The following JMJD1C variants were observed in gnomAD, a reference collection of about 807,000 sequenced individuals.
JMJD1C encodes jumonji domain-containing protein 1C.
In JMJD1C, 31 loss-of-function variants were observed where a neutral mutation model predicts 245.3. The ratio of observed to expected loss-of-function variants is 0.13; its 90% CI spans 0.09 to 0.17. The LOEUF is 0.17. Ranked by LOEUF, JMJD1C falls within the 10% of genes least tolerant of loss-of-function variation. JMJD1C has a pLI of 1.00. For synonymous variants in JMJD1C, 1,057 were observed against 1,017.4 expected, an observed-to-expected ratio of 1.04 and a Z score of -0.74; for missense variants, 2,691 against 3,000.2, an observed-to-expected ratio of 0.90 and a Z score of 2.41.
chr10:63,356,587 C>T (rs1944864073), intron 2 of JMJD1C, among the ~76,000 whole-genome samples: 1 of 152,170 alleles, frequency 6.6e-6, no homozygotes, highest in African/African-American at 2.4e-5. Flanking sequence ...CATCCATCTG[C>T]CTTTCAACTT....
intron 2 of JMJD1C, among the ~76,000 whole-genome samples, chr10:63,298,940 A>G (rs1445833858): frequency 6.6e-6 from 1 of 152,106 alleles, no homozygotes; most frequent in Non-Finnish European, 1.5e-5. Flanking sequence ...CATGTTGGTC[A>G]GGCTGGTCTT....
chr10:63,305,022 C>G (rs954623583), intron 2 of JMJD1C, among the ~76,000 whole-genome samples: 3 of 152,072 alleles, frequency 2.0e-5, no homozygotes, highest in Non-Finnish European at 4.4e-5. Flanking sequence ...GCCTGTAGAC[C>G]CAGTGACTCG....
chr10:63,419,313 G>A (rs983711123), intron 1 of JMJD1C, among the ~76,000 whole-genome samples: 1 of 152,048 alleles, frequency 6.6e-6, no homozygotes, highest in African/African-American at 2.4e-5. Flanking sequence ...CTTGAACCCA[G>A]GAGGCGGAGG....
chr10:63,180,838 G>C (rs930793018), intron 22 of JMJD1C, among the ~76,000 whole-genome samples: 2 of 150,460 alleles, frequency 1.3e-5, no homozygotes, highest in African/African-American at 4.9e-5. Flanking sequence ...GCGGGATCTC[G>C]GCTCACTGCA....
intron 1 of JMJD1C, among the ~76,000 whole-genome samples, chr10:63,410,650 T>C (rs533450257): frequency 2.2e-4 from 34 of 152,270 alleles, no homozygotes; most frequent in Admixed American, 1.2e-3. Flanking sequence ...CATCTTCTTT[T>C]TAAAGACAAA....
chr10:63,250,016 C>T (rs2133613459), intron 3 of JMJD1C, among the ~76,000 whole-genome samples: 1 of 151,070 alleles, frequency 6.6e-6, no homozygotes, highest in East Asian at 1.9e-4. Context: ...GATAATTTTT[C>T]TTTTTTTTTA....
At chr10:63,327,664 CA>C (rs1286387745) in intron 2 of JMJD1C, among the ~76,000 whole-genome samples, 1 of 132,302 alleles carries the variant, frequency 7.6e-6, no homozygotes, top group Non-Finnish European at 1.7e-5. Flanking sequence ...CAAGGGTACA[CA>C]GAAAAAATTT....
At chr10:63,403,597 C>A (rs979775468) in intron 1 of JMJD1C, among the ~76,000 whole-genome samples, 1 of 152,164 alleles carries the variant, frequency 6.6e-6, no homozygotes, top group Non-Finnish European at 1.5e-5. Context: ...ACCTTAAGTG[C>A]GAACGCTGTT....
At chr10:63,301,772 C>G (rs1227186939) in intron 2 of JMJD1C, 1 of 439,490 alleles carries the variant, frequency 2.3e-6, no homozygotes, top group Admixed American at 2.6e-5. Flanking sequence ...ACCTATGTAA[C>G]AAACCGGCAC....
chr10:63,436,827 G>T (rs1437134505), intron 1 of JMJD1C, among the ~76,000 whole-genome samples: 1 of 151,986 alleles, frequency 6.6e-6, no homozygotes, highest in African/African-American at 2.4e-5. Flanking sequence ...TCCTATCTTA[G>T]ACCCTTATCA....
chr10:63,393,503 T>C (rs189465456), intron 1 of JMJD1C, among the ~76,000 whole-genome samples: 2 of 152,182 alleles, frequency 1.3e-5, no homozygotes, highest in African/African-American at 2.4e-5. Context: ...ACTAAAAATA[T>C]AACTACCATA....
chr10:63,405,139 C>G (rs763728298), intron 1 of JMJD1C, among the ~76,000 whole-genome samples: 69 of 151,922 alleles, frequency 4.5e-4, no homozygotes, highest in Non-Finnish European at 5.1e-4. Context: ...TATGTACATT[C>G]TCTCACTTCA....
rs1301553995 is a variant in JMJD1C, at chr10:63,198,684, A to G, written c.5320T>C (p.Ser1774Pro). The G allele has an allele frequency of 1.2e-6, 2 of 1,612,498 alleles. No homozygotes were observed. The change falls in exon 12 of 26, where the codon TCT becomes CCT. Residue 1774 changes from serine to proline, a missense_variant. Physicochemically the swap from Ser to Pro is moderately conservative, Grantham distance 74 (BLOSUM62 -1). Coordinates refer to ENST00000399262, the MANE Select transcript of JMJD1C (RefSeq NM_032776.3). The stretch of plus-strand genomic sequence containing the variant: ...TCATCATCATATTGGTCAGGAGAAG[A>G]GAAACCATCTATTCTAACTACTCCG... ...KNGVVRIDGF[S>P]SPDQYDDEAM...
At chr10:63,440,365 TA>T (rs1951309319) in intron 1 of JMJD1C, among the ~76,000 whole-genome samples, 1 of 138,250 alleles carries the variant, frequency 7.2e-6, no homozygotes. Flanking sequence ...TATATATATA[TA>T]GAGAGAGAGA....
intron 3 of JMJD1C, among the ~76,000 whole-genome samples, chr10:63,263,400 C>T (rs1156592608): frequency 1.3e-5 from 2 of 152,136 alleles, no homozygotes; most frequent in Non-Finnish European, 2.9e-5. Flanking sequence ...CCATGCACAA[C>T]AAATAACTGC....
chr10:63,180,634 G>C (rs1023360112), intron 22 of JMJD1C, among the ~76,000 whole-genome samples: 13 of 152,130 alleles, frequency 8.5e-5, no homozygotes, highest in Non-Finnish European at 1.3e-4. Context: ...ATGGAGTTTT[G>C]CTGTGTCACC....
chr10:63,374,141 A>C (rs1483570578), intron 2 of JMJD1C, among the ~76,000 whole-genome samples: 1 of 152,196 alleles, frequency 6.6e-6, no homozygotes, highest in Non-Finnish European at 1.5e-5. Flanking sequence ...ATGAAATATG[A>C]CAAAAAGGTT....
chr10:63,464,477 A>C (rs1290658539), intron 1 of JMJD1C, among the ~76,000 whole-genome samples: 2 of 152,242 alleles, frequency 1.3e-5, no homozygotes, highest in Non-Finnish European at 2.9e-5. Context: ...TCATTGAAAA[A>C]GTAAATGGCT....
At chr10:63,457,262 G>A (rs774673715) in intron 1 of JMJD1C, among the ~76,000 whole-genome samples, 5 of 152,114 alleles carry the variant, frequency 3.3e-5, no homozygotes, top group Non-Finnish European at 5.9e-5. Flanking sequence ...CGTTCAAGGT[G>A]GAAAAACATT....
Sources: allele counts gnomAD v4.1 joint callset (sites outside exome capture counted in the v4.1 genomes callset), GRCh38; gene constraint gnomAD v4.1.1; transcripts MANE v1.5; gene names NCBI Gene and HGNC (gene_info 2026-07-23, HGNC 2026-07-21).